Variants in CNTNAP2 observed in about 807,000 individuals in gnomAD.
CNTNAP2 encodes contactin-associated protein-like 2.
In CNTNAP2, 98 loss-of-function variants were observed where a neutral mutation model predicts 155.2. The observed-to-expected ratio is 0.63, with a 90% CI of 0.54 to 0.75. The LOEUF (loss-of-function observed/expected upper bound fraction) is 0.75. CNTNAP2 is among the 30% of genes least tolerant of loss of function. The pLI, the probability that CNTNAP2 is intolerant of heterozygous loss-of-function variation, is 0.00. For synonymous variants in CNTNAP2, 651 were observed against 631.2 expected (o/e 1.03, Z -0.47); for missense variants, 1,727 against 1,688.1 (o/e 1.02, Z -0.40).
intron 13 of CNTNAP2, chr7:147,831,875 T>A (rs1440812150): frequency 2.6e-5 from 4 of 152,078 alleles, no homozygotes; most frequent in Admixed American, 2.6e-4. Flanking sequence ...TCCATATTTT[T>A]TTGGAACACA....
At chr7:148,272,029 G>C (rs1585232577) in intron 21 of CNTNAP2, among the ~76,000 whole-genome samples, 1 of 152,218 alleles carries the variant, frequency 6.6e-6, no homozygotes, top group East Asian at 1.9e-4. Flanking sequence ...TTCACACTGA[G>C]CTCTTTGATG....
At chr7:147,511,459 A>AT (rs36064860) in intron 11 of CNTNAP2, among the ~76,000 whole-genome samples, 88,157 of 146,818 alleles carry the variant, frequency 0.6, 27,861 homozygotes, top group South Asian at 0.76. Context: ...TTAAAACAAC[A>AT]TTTTTTTTTT....
At chr7:148,214,353 G>A (rs937214821) in intron 18 of CNTNAP2, among the ~76,000 whole-genome samples, 4 of 152,090 alleles carry the variant, frequency 2.6e-5, no homozygotes, top group Admixed American at 6.5e-5. Flanking sequence ...TAAATAAACC[G>A]CCATAACATT....
intron 10 of CNTNAP2, among the ~76,000 whole-genome samples, chr7:147,432,058 G>A (rs893753337): frequency 6.6e-6 from 1 of 152,238 alleles, no homozygotes. Context: ...CTTGTTTTCT[G>A]TGTAGGAAAA....
chr7:146,857,658 G>C (rs1039909249), intron 3 of CNTNAP2, among the ~76,000 whole-genome samples: 11 of 152,124 alleles, frequency 7.2e-5, no homozygotes, highest in Non-Finnish European at 1.5e-4. Context: ...GGGCAATGAG[G>C]GACGAGAGAG....
chr7:146,529,243 T>A (rs144106675), intron 1 of CNTNAP2, among the ~76,000 whole-genome samples: 1 of 152,184 alleles, frequency 6.6e-6, no homozygotes, highest in Non-Finnish European at 1.5e-5. Context: ...TTCAATTTTT[T>A]TGTATGTTAA....
intron 2 of CNTNAP2, among the ~76,000 whole-genome samples, chr7:146,799,349 T>A (rs1454262478): frequency 6.6e-6 from 1 of 152,174 alleles, no homozygotes; most frequent in East Asian, 1.9e-4. Flanking sequence ...CTAGGTGACG[T>A]CTCCTTAAAG....
intron 17 of CNTNAP2, among the ~76,000 whole-genome samples, chr7:148,152,838 G>C (rs1445994432): frequency 6.6e-6 from 1 of 151,928 alleles, no homozygotes; most frequent in East Asian, 1.9e-4. Context: ...GGCTAGCACG[G>C]TGAAACCCCG....
At chr7:146,318,965 T>C (rs1584866853) in intron 1 of CNTNAP2, among the ~76,000 whole-genome samples, 1 of 152,140 alleles carries the variant, frequency 6.6e-6, no homozygotes, top group African/African-American at 2.4e-5. Context: ...CAGATATCTC[T>C]TCTATTATCC....
At chr7:146,630,272 T>C (rs1342973602) in intron 1 of CNTNAP2, among the ~76,000 whole-genome samples, 2 of 152,150 alleles carry the variant, frequency 1.3e-5, no homozygotes, top group East Asian at 3.9e-4. Context: ...CTGAGAATGA[T>C]GGCTTCCAGC....
chr7:146,405,794 A>T (rs184109430), intron 1 of CNTNAP2, among the ~76,000 whole-genome samples: 97 of 152,334 alleles, frequency 6.4e-4, no homozygotes, highest in Non-Finnish European at 9.4e-4. Flanking sequence ...AGATATACAA[A>T]TCATATTTAC....
chr7:146,412,313 A>G (rs1010420657), intron 1 of CNTNAP2, among the ~76,000 whole-genome samples: 3 of 152,184 alleles, frequency 2.0e-5, no homozygotes, highest in African/African-American at 7.2e-5. Flanking sequence ...ATGCTTGTGT[A>G]TAAATGTCTG....
At chr7:146,199,834 TTTC>T (rs1206763956) in intron 1 of CNTNAP2, among the ~76,000 whole-genome samples, 2 of 152,174 alleles carry the variant, frequency 1.3e-5, no homozygotes, top group Non-Finnish European at 2.9e-5. Flanking sequence ...TCTCATTGCT[TTTC>T]TTTTCTTAAA....
chr7:148,308,950 C>T (rs969015118), intron 21 of CNTNAP2, among the ~76,000 whole-genome samples: 1 of 152,156 alleles, frequency 6.6e-6, no homozygotes, highest in Non-Finnish European at 1.5e-5. Flanking sequence ...TGTATATGTG[C>T]CACATTTTCT....
intron 3 of CNTNAP2, among the ~76,000 whole-genome samples, chr7:146,884,404 G>A (rs1443977804): frequency 6.6e-6 from 1 of 152,120 alleles, no homozygotes; most frequent in African/African-American, 2.4e-5. Flanking sequence ...ATGGAATAGT[G>A]GAAAGAGTGG....
chr7:148,406,049 G>A (rs555644403), intron 22 of CNTNAP2, among the ~76,000 whole-genome samples: 10 of 151,772 alleles, frequency 6.6e-5, no homozygotes, highest in Non-Finnish European at 1.3e-4. Flanking sequence ...TGGATAACAC[G>A]GTGAAACCCC....
intron 3 of CNTNAP2, among the ~76,000 whole-genome samples, chr7:147,012,602 T>A (rs905834820): frequency 6.6e-6 from 1 of 152,178 alleles, no homozygotes; most frequent in African/African-American, 2.4e-5. Context: ...TAGAGAGTTT[T>A]AATTCTATAT....
intron 13 of CNTNAP2, among the ~76,000 whole-genome samples, chr7:147,891,093 G>T (rs1229640428): frequency 6.6e-6 from 1 of 151,884 alleles, no homozygotes; most frequent in Non-Finnish European, 1.5e-5. Flanking sequence ...AAAAAGAATA[G>T]ACTAAAGGAT....
intron 15 of CNTNAP2, among the ~76,000 whole-genome samples, chr7:148,033,025 G>A (rs1403644734): frequency 6.6e-6 from 1 of 152,000 alleles, no homozygotes; most frequent in Admixed American, 6.6e-5. Flanking sequence ...CCCAACACTC[G>A]GTGACTCTCC....
Sources: gnomAD v4.1 joint callset for allele counts (sites outside exome capture counted in the v4.1 genomes callset) on GRCh38, gnomAD v4.1.1 for gene constraint, MANE v1.5 for transcripts, NCBI Gene and HGNC (gene_info 2026-07-23, HGNC 2026-07-21) for gene names.